Variants in TOB2 observed in about 807,000 individuals in gnomAD.
The protein encoded by TOB2 is transducer of ERBB2, 2, also known as protein Tob2.
TOB2 carries 3 observed loss-of-function variants against 17.3 expected under a neutral mutation model. That is an observed-to-expected ratio of 0.17 (90% confidence interval 0.08 to 0.45). The LOEUF (loss-of-function observed/expected upper bound fraction) is 0.45, where lower values mean the gene tolerates loss of function less well. Among genes scored for constraint, TOB2 ranks in the 20% least tolerant of loss-of-function variants. TOB2 has a pLI of 0.99. For synonymous variants in TOB2, 163 were observed against 185.6 expected (o/e 0.88, Z 0.99); for missense variants, 407 against 445.7 (o/e 0.91, Z 0.78).
intron 1 of TOB2, among the ~76,000 whole-genome samples, chr22:41,445,831 A>G (rs182879266): frequency 6.6e-6 from 1 of 152,338 alleles, no homozygotes; most frequent in African/African-American, 2.4e-5. Context: ...ACTCTGGCTC[A>G]GTGGCCCAAG....
At chr22:41,442,601 G>T (rs1228302518) in intron 1 of TOB2, among the ~76,000 whole-genome samples, 4 of 152,234 alleles carry the variant, frequency 2.6e-5, no homozygotes, top group African/African-American at 9.6e-5. Flanking sequence ...CCAGATGGCT[G>T]TGGGGTGGAA....
In TOB2 at chr22:41,436,082, C is replaced by T. The variant is rs1472651527; in HGVS notation, c.*229G>A. 4 of 444,678 alleles carry T rather than the reference C, an allele frequency of 9.0e-6. No homozygotes were observed. The highest frequency in any genetic ancestry group is 1.5e-5 in the Non-Finnish European group (4 of 260,458). The allele number at this position is 444,678 out of a possible 1,614,324, so 27.5% of individuals were successfully genotyped here. On this transcript the variant is annotated 3_prime_UTR_variant, in exon 2 of 2. Transcript: ENST00000327492. This position sits in a 1 kb window ranked among gnomAD's most constrained non-coding sequence, Gnocchi z 4.8. ...AGAAAAAGAAATATAAAACCCAAAC[C>T]AACCAAATAAATCACAGGCCGGTGG...
Position 41,436,329 on chromosome 22 carries a change from G to A in TOB2, c.1017C>T (p.Pro339=), listed in dbSNP as rs377080353. Residue 339 remains proline, a synonymous_variant, in exon 2 of 2, where the codon CCC becomes CCT. Coordinates refer to ENST00000327492, the MANE Select transcript of TOB2 (RefSeq NM_016272.4). The surrounding 1 kb of genome is among the most constrained non-coding windows in gnomAD (Gnocchi z 4.8). ...TMQYPSQQFQ[P]VVLAN ...TAGATGGTCAGTTGGCCAGCACCAC[G>A]GGCTGGAACTGCTGGCTGGGATACT... The A allele has an allele frequency of 8.4e-5, 133 of 1,579,570 alleles. No individual in the cohort carries two copies. Among genetic ancestry groups the A allele is most frequent in the East Asian group, 6.7e-5 (3 of 44,524 alleles).
intron 1 of TOB2, among the ~76,000 whole-genome samples, chr22:41,438,540 G>C (rs2037578760): frequency 7.1e-6 from 1 of 141,370 alleles, no homozygotes; most frequent in African/African-American, 2.6e-5. Flanking sequence ...TGAGGTAGGA[G>C]AATCGCTTGA....
At chr22:41,438,645 A>AAAAAAAAAAAAAAAAAAAAAAAAAAAAG in intron 1 of TOB2, among the ~76,000 whole-genome samples, 1 of 142,792 alleles carries the variant, frequency 7.0e-6, no homozygotes, top group Non-Finnish European at 1.5e-5. Flanking sequence ...AAAAAAAAAA[A>AAAAAAAAAAAAAAAAAAAAAAAAAAAAG]AAAAAAAAAA....
chr22:41,443,939 G>T (rs1206541480), intron 1 of TOB2, among the ~76,000 whole-genome samples: 1 of 152,156 alleles, frequency 6.6e-6, no homozygotes, highest in Non-Finnish European at 1.5e-5. Context: ...AGGTTTTTCA[G>T]AAAGAAAATT....
At chr22:41,439,431 T>C (rs747754794) in intron 1 of TOB2, among the ~76,000 whole-genome samples, 5 of 152,148 alleles carry the variant, frequency 3.3e-5, no homozygotes, top group Non-Finnish European at 7.3e-5. Flanking sequence ...CCTGTAATTC[T>C]CAGGCCTGGG....
At chr22:41,444,405 G>A (rs1026676766) in intron 1 of TOB2, among the ~76,000 whole-genome samples, 1 of 148,742 alleles carries the variant, frequency 6.7e-6, no homozygotes, top group African/African-American at 2.6e-5. Context: ...TCAGGAGCTA[G>A]GAAAACTCGA....
intron 1 of TOB2, among the ~76,000 whole-genome samples, chr22:41,440,279 G>A (rs2146034629): frequency 6.8e-6 from 1 of 147,400 alleles, no homozygotes; most frequent in African/African-American, 2.6e-5. Context: ...CACCACTCCT[G>A]GCTAATTTTT....
In TOB2 at chr22:41,436,887, G is replaced by A; in HGVS notation, c.459C>T (p.Ser153=). 6.2e-7 allele frequency: 1 copy of A among 1,614,204 alleles called. No homozygotes were observed. The highest frequency in any genetic ancestry group is 1.3e-5 in the African/African-American group (1 of 75,048). The change falls in exon 2 of 2, where the codon TCC becomes TCT. Residue 153 remains serine (S), a synonymous_variant. Coordinates refer to ENST00000327492, the MANE Select transcript of TOB2 (RefSeq NM_016272.4). This position sits in a 1 kb window ranked among gnomAD's most constrained non-coding sequence, Gnocchi z 4.8. ...IGSQDSSLSN[S]PSPSFGQSPS... is the part of the protein sequence containing the mutation. ...GTGACTGGCCAAAGGATGGCGATGGGGAGTTGGACAGGGAGCTGTCCTGGC... is the reference window on the plus strand; with the variant it reads ...GTGACTGGCCAAAGGATGGCGATGGAGAGTTGGACAGGGAGCTGTCCTGGC...
At chr22:41,440,539 C>T (rs1158516839) in intron 1 of TOB2, among the ~76,000 whole-genome samples, 1 of 150,648 alleles carries the variant, frequency 6.6e-6, no homozygotes, top group Non-Finnish European at 1.5e-5. Flanking sequence ...CTCCAAGTAG[C>T]TGGGACTACA....
intron 1 of TOB2, among the ~76,000 whole-genome samples, chr22:41,443,748 C>G (rs763032280): frequency 5.9e-5 from 9 of 151,734 alleles, no homozygotes; most frequent in Non-Finnish European, 1.3e-4. Flanking sequence ...CTCAGCCTCC[C>G]GAGTAACTGG....
chr22:41,438,270 CATCT>C (rs2037575719), intron 1 of TOB2, among the ~76,000 whole-genome samples: 1 of 152,106 alleles, frequency 6.6e-6, no homozygotes, highest in Non-Finnish European at 1.5e-5. Flanking sequence ...CAGTCACATC[CATCT>C]GTCATCATGG....
chr22:41,441,159 A>G (rs1035510449), intron 1 of TOB2, among the ~76,000 whole-genome samples: 10 of 151,986 alleles, frequency 6.6e-5, no homozygotes, highest in African/African-American at 2.4e-4. Context: ...CTATAAAAAT[A>G]CAAAAATTAT....
Position 41,433,644 on chromosome 22 carries a change from C to A in TOB2, c.*2667G>T, listed in dbSNP as rs2037510489. 1 of 272,794 alleles carries A rather than the reference C, an allele frequency of 3.7e-6. No individual in the cohort carries two copies. Among genetic ancestry groups the A allele is most frequent in the East Asian group, 8.9e-5 (1 of 11,218 alleles). The allele number at this position is 272,794 out of a possible 1,614,324, so 16.9% of individuals were successfully genotyped here. A position where few individuals can be genotyped will look rare whatever the true frequency, so the allele number is the denominator to read the frequency against. ...AAAATATTGCACAACATTCTGAATACAAAACCCTTGATTGTATTCCTCCTT... is the reference window on the plus strand; with the variant it reads ...AAAATATTGCACAACATTCTGAATAAAAAACCCTTGATTGTATTCCTCCTT... On this transcript the variant is annotated 3_prime_UTR_variant, in exon 2 of 2. Coordinates refer to ENST00000327492, the MANE Select transcript of TOB2 (RefSeq NM_016272.4).
intron 1 of TOB2, among the ~76,000 whole-genome samples, chr22:41,440,752 A>T (rs2037609051): frequency 6.6e-6 from 1 of 152,062 alleles, no homozygotes; most frequent in African/African-American, 2.4e-5. Flanking sequence ...TTTTTAGTAC[A>T]CACGGGGTTT....
chr22:41,444,195 C>T (rs2037654277), intron 1 of TOB2, among the ~76,000 whole-genome samples: 1 of 152,130 alleles, frequency 6.6e-6, no homozygotes, highest in Admixed American at 6.6e-5. Flanking sequence ...ACACGGGATC[C>T]GCCCCAACTC....
chr22:41,441,741 G>A (rs987151427), intron 1 of TOB2, among the ~76,000 whole-genome samples: 3 of 151,792 alleles, frequency 2.0e-5, no homozygotes, highest in South Asian at 2.1e-4. Context: ...GTGAAACCCC[G>A]TCTCTACTAA....
intron 1 of TOB2, among the ~76,000 whole-genome samples, chr22:41,439,482 C>CATAT (rs113778008): frequency 6.8e-6 from 1 of 147,982 alleles, no homozygotes; most frequent in Admixed American, 6.8e-5. Context: ...TTTAATTTTA[C>CATAT]GTATGTATGT....
Sources: allele counts gnomAD v4.1 joint callset (sites outside exome capture counted in the v4.1 genomes callset), GRCh38; gene constraint gnomAD v4.1.1; non-coding constraint Gnocchi (gnomAD v3.1); transcripts MANE v1.5; gene names NCBI Gene and HGNC (gene_info 2026-07-23, HGNC 2026-07-21).